NUCB2: variants seen among roughly 807,000 people sequenced by gnomAD.
The protein encoded by NUCB2 is nucleobindin-2.
In NUCB2, 48 loss-of-function variants were observed where a neutral mutation model predicts 57.9. The ratio of observed to expected loss-of-function variants is 0.83; its 90% CI spans 0.66 to 1.05. NUCB2 has a LOEUF of 1.05. Among genes scored for constraint, NUCB2 ranks in the 50% least tolerant of loss-of-function variants. The probability of loss-of-function intolerance (pLI) is 0.00; values close to 1 mark genes in which losing one functional copy is unlikely to be tolerated. For missense variants in NUCB2, 442 were observed against 476.2 expected, an observed-to-expected ratio of 0.93 and a Z score of 0.67; for synonymous variants, 139 against 152.1, an observed-to-expected ratio of 0.91 and a Z score of 0.64.
chr11:17,328,215 T>C (rs910966426), intron 11 of NUCB2, among the ~76,000 whole-genome samples: 3 of 152,236 alleles, frequency 2.0e-5, no homozygotes, highest in Admixed American at 2.0e-4. Context: ...GAGACTCTTG[T>C]TCTTTTCCCT....
chr11:17,294,422 A>G (rs1196603352), intron 2 of NUCB2, among the ~76,000 whole-genome samples: 1 of 152,198 alleles, frequency 6.6e-6, no homozygotes, highest in African/African-American at 2.4e-5. Flanking sequence ...CATATGCTGT[A>G]CTTAAATGGG....
At chr11:17,283,474 A>T (rs1332223600) in intron 2 of NUCB2, 1 of 152,246 alleles carries the variant, frequency 6.6e-6, no homozygotes, top group Non-Finnish European at 1.5e-5. Flanking sequence ...TGAAATCTGT[A>T]AGCTGTGATA....
intron 10 of NUCB2, among the ~76,000 whole-genome samples, chr11:17,312,405 AT>A (rs201161740): frequency 0.24 from 33,200 of 137,498 alleles, 4,194 homozygotes; most frequent in East Asian, 0.5. Context: ...CCTACCTAAT[AT>A]TTTTTTTTTT....
intron 1 of NUCB2, among the ~76,000 whole-genome samples, chr11:17,277,632 A>G (rs1591122308): frequency 6.6e-6 from 1 of 152,334 alleles, no homozygotes; most frequent in South Asian, 2.1e-4. Context: ...ATTTTATGCA[A>G]TTGAATAAGC....
intron 2 of NUCB2, among the ~76,000 whole-genome samples, chr11:17,285,207 C>T (rs1419642562): frequency 6.6e-6 from 1 of 151,996 alleles, no homozygotes; most frequent in Non-Finnish European, 1.5e-5. Context: ...GCGGGCAGAT[C>T]ACAAGGTCAG....
intron 1 of NUCB2, among the ~76,000 whole-genome samples, chr11:17,282,258 A>ATATATATTTT (rs1388672393): frequency 9.7e-6 from 1 of 103,482 alleles, no homozygotes; most frequent in South Asian, 3.3e-4. Context: ...ATATATATAT[A>ATATATATTTT]TTTTTTTTTT....
intron 2 of NUCB2, among the ~76,000 whole-genome samples, chr11:17,343,175 C>T (rs1952431197): frequency 6.6e-6 from 1 of 151,952 alleles, no homozygotes; most frequent in African/African-American, 2.4e-5. Flanking sequence ...GGTAGATCTT[C>T]CTCCATCCCT....
intron 2 of NUCB2, chr11:17,337,535 G>A (rs371251610): frequency 9.2e-5 from 14 of 152,292 alleles, no homozygotes; most frequent in East Asian, 3.9e-4. Context: ...GGATACTAAG[G>A]TGTGTTAAGT....
intron 2 of NUCB2, among the ~76,000 whole-genome samples, chr11:17,288,950 C>A (rs56256649): frequency 6.0e-5 from 2 of 33,168 alleles, no homozygotes; most frequent in Admixed American, 3.7e-4. Flanking sequence ...CACACACACA[C>A]ATATATATAT....
Position 17,315,440 on chromosome 11 carries a change from G to GA in NUCB2, c.975dup (p.Glu326ArgfsTer7), listed in dbSNP as rs776760418. On this transcript the variant is annotated frameshift_variant, in exon 11 of 14. Coordinates refer to ENST00000529010, the MANE Select transcript of NUCB2 (RefSeq NM_005013.4). LOFTEE classifies it high-confidence loss of function. ...TCTGGAGGAGTTTTTGAAAGCCACA[G>GA]AAAAAAAAGAATTCTTGGAGCCAGA... The GA allele has an allele frequency of 3.1e-5, 50 of 1,609,524 alleles. No individual in the cohort carries two copies. In the South Asian group the frequency reaches 3.3e-4, roughly 11 times the overall value.
intron 11 of NUCB2, among the ~76,000 whole-genome samples, chr11:17,316,321 G>T (rs191309227): frequency 2.4e-4 from 36 of 152,240 alleles, no homozygotes; most frequent in African/African-American, 8.7e-4. Flanking sequence ...AAATGACTTT[G>T]TATGTTGATG....
intron 2 of NUCB2, among the ~76,000 whole-genome samples, chr11:17,294,678 T>TAAA (rs34406631): frequency 1.9e-5 from 2 of 102,650 alleles, no homozygotes; most frequent in Non-Finnish European, 3.9e-5. Context: ...CGTGTTGCCT[T>TAAA]AAAAAAAAAA....
intron 10 of NUCB2, among the ~76,000 whole-genome samples, chr11:17,314,320 T>C (rs1356481733): frequency 6.6e-6 from 1 of 152,170 alleles, no homozygotes; most frequent in African/African-American, 2.4e-5. Context: ...AGTAAGCTCT[T>C]AAAAGCATAA....
At chr11:17,313,332 C>A (rs912000356) in intron 10 of NUCB2, among the ~76,000 whole-genome samples, 1 of 151,862 alleles carries the variant, frequency 6.6e-6, no homozygotes, top group Non-Finnish European at 1.5e-5. Context: ...AAGTTCGAGA[C>A]CAGCCTGGCA....
intron 1 of NUCB2, among the ~76,000 whole-genome samples, chr11:17,279,297 T>G (rs7127347): frequency 0.2 from 30,768 of 152,104 alleles, 3,965 homozygotes; most frequent in East Asian, 0.44. Flanking sequence ...TTTACAACCA[T>G]GATGTGGTGA....
At chr11:17,343,476 G>A (rs1433545010) in intron 2 of NUCB2, among the ~76,000 whole-genome samples, 1 of 152,116 alleles carries the variant, frequency 6.6e-6, no homozygotes, top group Non-Finnish European at 1.5e-5. Flanking sequence ...TCTGTGCATG[G>A]GGTGTGAGGC....
rs142859286 is a variant in NUCB2, at chr11:17,281,738, A to G, written c.-155-1051A>G. On this transcript the variant is annotated intron_variant, in intron 1 of 13. Coordinates refer to ENST00000529010, the MANE Select transcript of NUCB2 (RefSeq NM_005013.4). ...ATGTTGTGTCAATAAAAGTCATATA[A>G]CTTTCCAAAATACAACATGCATGTG... 1.5e-3 allele frequency among the ~76,000 whole-genome samples: 230 copies of G among 152,226 alleles called. 2 individuals carry two copies. The highest frequency in any genetic ancestry group is 5.1e-3 in the African/African-American group (211 of 41,532).
chr11:17,287,190 C>T (rs1943897007), intron 2 of NUCB2, among the ~76,000 whole-genome samples: 1 of 151,786 alleles, frequency 6.6e-6, no homozygotes, highest in African/African-American at 2.4e-5. Flanking sequence ...TATATATCAC[C>T]ACGCATGGTG....
At chr11:17,312,855 C>T (rs1948705484) in intron 10 of NUCB2, among the ~76,000 whole-genome samples, 2 of 151,668 alleles carry the variant, frequency 1.3e-5, no homozygotes, top group Admixed American at 1.3e-4. Context: ...TACAGGCATG[C>T]ACCACCACGC....
Sources: allele counts gnomAD v4.1 joint callset (sites outside exome capture counted in the v4.1 genomes callset), GRCh38; gene constraint gnomAD v4.1.1; transcripts MANE v1.5; gene names NCBI Gene and HGNC (gene_info 2026-07-23, HGNC 2026-07-21).